The following ANK2 variants were observed in gnomAD, a reference collection of about 807,000 sequenced individuals.
ANK2 encodes the protein ankyrin-2.
In ANK2, 83 loss-of-function variants were observed where a neutral mutation model predicts 360.5. The ratio of observed to expected loss-of-function variants is 0.23; its 90% CI spans 0.19 to 0.28. The LOEUF (loss-of-function observed/expected upper bound fraction) is 0.28, where lower values mean the gene tolerates loss of function less well. ANK2 is among the 10% of genes least tolerant of loss of function. ANK2 has a pLI of 1.00. For missense variants in ANK2, 4,201 were observed against 4,795.7 expected (o/e 0.88, Z 3.66); for synonymous variants, 1,740 against 1,759.5 (o/e 0.99, Z 0.28).
At chr4:112,878,321 A>C (rs544543263) in intron 1 of ANK2, among the ~76,000 whole-genome samples, 1 of 151,854 alleles carries the variant, frequency 6.6e-6, no homozygotes, top group Non-Finnish European at 1.5e-5. Flanking sequence ...TTATTTATTT[A>C]ATTTATTTTT....
chr4:113,184,737 C>T (rs549837400), intron 2 of ANK2, among the ~76,000 whole-genome samples: 1 of 151,842 alleles, frequency 6.6e-6, no homozygotes, highest in Non-Finnish European at 1.5e-5. Context: ...ACTTTAAGTT[C>T]TGTGATACAT....
chr4:113,037,413 T>C (rs1303319809), intron 2 of ANK2, among the ~76,000 whole-genome samples: 1 of 151,996 alleles, frequency 6.6e-6, no homozygotes, highest in Non-Finnish European at 1.5e-5. Flanking sequence ...TTTCAATCTT[T>C]GTAGCATTAA....
In ANK2 at chr4:113,132,002, T is replaced by A. The variant is rs372538681; in HGVS notation, c.85-42414T>A. On this transcript the variant is annotated intron_variant, in intron 1 of 45. Transcript: ENST00000357077. ...TTATCATTTAATGCCGTAGACTGGA[T>A]AGGTCAAGAGTTTGACTGAACAGAG... 2.0e-4 allele frequency among the ~76,000 whole-genome samples: 30 copies of A among 152,326 alleles called. No individual in the cohort carries two copies. The South Asian group carries it at 3.5e-3, about 18-fold the overall frequency.
intron 1 of ANK2, among the ~76,000 whole-genome samples, chr4:113,140,518 A>G (rs925525984): frequency 2.6e-5 from 4 of 152,240 alleles, no homozygotes; most frequent in Non-Finnish European, 2.9e-5. Context: ...GAAACTCTAC[A>G]TGACCTTTTT....
Position 113,354,087 on chromosome 4 carries a change from C to T in ANK2, c.5469C>T (p.Pro1823=), listed in dbSNP as rs33966911. The T allele has an allele frequency of 0.096, 154,812 of 1,613,984 alleles. 8,287 individuals carry two copies. Among genetic ancestry groups the T allele is most frequent in the Middle Eastern group, 0.13 (792 of 6,058 alleles). The part of the protein sequence containing the change: ...LKSERHAPGS[P]SPKTERHSTL... ...CAGAGAGACATGCGCCAGGGTCTCC[C>T]TCCCCTAAAACAGAAAGACACTCTA... is the stretch of plus-strand genomic sequence containing the variant. The change falls in exon 38 of 46, where the codon CCC becomes CCT. Residue 1823 remains proline, a synonymous_variant. Coordinates refer to ENST00000357077, the MANE Select transcript of ANK2 (RefSeq NM_001148.6).
At chr4:112,788,670 A>C in the ANK2 span, 1 of 1,601,042 alleles carries the variant, frequency 6.2e-7, no homozygotes. Flanking sequence ...CCGCTTATAG[A>C]GGATGGCTCT....
intron 4 of ANK2, among the ~76,000 whole-genome samples, chr4:113,225,759 A>G (rs2153509477): frequency 6.6e-6 from 1 of 152,336 alleles, no homozygotes; most frequent in East Asian, 1.9e-4. Flanking sequence ...TACATCTGAT[A>G]TGTAAAAATA....
At chr4:112,958,907 G>A (rs2033054489) in intron 2 of ANK2, among the ~76,000 whole-genome samples, 1 of 151,656 alleles carries the variant, frequency 6.6e-6, no homozygotes, top group African/African-American at 2.4e-5. Flanking sequence ...GGAGTGCGAT[G>A]GCATGATCTT....
intron 1 of ANK2, among the ~76,000 whole-genome samples, chr4:113,122,714 A>G (rs972631073): frequency 5.3e-5 from 8 of 152,092 alleles, no homozygotes; most frequent in African/African-American, 1.9e-4. Context: ...GTTCAGCCAT[A>G]TCTATTTAAA....
intron 1 of ANK2, among the ~76,000 whole-genome samples, chr4:112,824,171 C>G (rs78332987): frequency 0.021 from 3,150 of 152,024 alleles, 112 homozygotes; most frequent in African/African-American, 0.072. Context: ...ATCTATCTAT[C>G]TATCTATCTA....
intron 2 of ANK2, among the ~76,000 whole-genome samples, chr4:112,984,834 A>T (rs1270002567): frequency 1.3e-5 from 2 of 152,204 alleles, no homozygotes; most frequent in Non-Finnish European, 2.9e-5. Flanking sequence ...TCATCTTTGG[A>T]CTGAGGCTGC....
chr4:113,218,792 G>T (rs1188015161), intron 4 of ANK2, among the ~76,000 whole-genome samples: 1 of 152,132 alleles, frequency 6.6e-6, no homozygotes, highest in Non-Finnish European at 1.5e-5. Flanking sequence ...ATGCATGAGA[G>T]AAGTAAAAGA....
chr4:112,846,332 C>T (rs968888450), intron 1 of ANK2, among the ~76,000 whole-genome samples: 2 of 152,028 alleles, frequency 1.3e-5, no homozygotes, highest in African/African-American at 4.8e-5. Flanking sequence ...GGCTGGCCTC[C>T]AACTCTGGGC....
At chr4:113,163,190 G>A (rs1482881731) in intron 1 of ANK2, among the ~76,000 whole-genome samples, 1 of 152,054 alleles carries the variant, frequency 6.6e-6, no homozygotes, top group African/African-American at 2.4e-5. Context: ...TGGCATGATG[G>A]GAGTGAGAAA....
chr4:113,197,367 T>G (rs1389802665), intron 3 of ANK2, among the ~76,000 whole-genome samples: 3 of 152,262 alleles, frequency 2.0e-5, no homozygotes, highest in Non-Finnish European at 4.4e-5. Context: ...TGTCGAGGAT[T>G]CATTTCATAA....
At chr4:113,025,315 T>C (rs371332020) in intron 2 of ANK2, among the ~76,000 whole-genome samples, 16 of 151,468 alleles carry the variant, frequency 1.1e-4, no homozygotes, top group African/African-American at 3.7e-4. Context: ...TACTGTGATG[T>C]AAAAATTGTG....
In ANK2 at chr4:113,251,983, T is replaced by C. The variant is rs535812387; in HGVS notation, c.990+2121T>C. On this transcript the variant is annotated intron_variant, in intron 10 of 45. Coordinates refer to ENST00000357077, the MANE Select transcript of ANK2 (RefSeq NM_001148.6). ...GACTATTCTCCCTCCCCTTCTGTAT[T>C]AGTCCGTTTCACGCTACTGATAAAG... Among the ~76,000 whole-genome samples, 19 of 152,270 alleles carry C rather than the reference T, an allele frequency of 1.2e-4. No homozygotes were observed. The East Asian group carries it at 2.9e-3, about 23-fold the overall frequency.
chr4:113,374,825 A>G (rs1232777405), intron 45 of ANK2: 1 of 1,255,664 alleles, frequency 8.0e-7, no homozygotes, highest in East Asian at 5.8e-5. Flanking sequence ...GAGCCAGTGG[A>G]AGGCCGTAGA....
chr4:113,373,013 A>C (rs1208334110), intron 43 of ANK2, 77 bp from the exon 44 acceptor site: 1 of 1,210,394 alleles, frequency 8.3e-7, no homozygotes, highest in Non-Finnish European at 1.2e-6. Flanking sequence ...AACATTCCTC[A>C]CATTATAAGC....
Sources: gnomAD v4.1 joint callset for allele counts (sites outside exome capture counted in the v4.1 genomes callset) on GRCh38, gnomAD v4.1.1 for gene constraint, MANE v1.5 for transcripts, NCBI Gene and HGNC (gene_info 2026-07-23, HGNC 2026-07-21) for gene names.